The following CDKAL1 variants were observed in gnomAD, a reference collection of about 807,000 sequenced individuals.
CDKAL1 encodes the protein CDKAL1 threonylcarbamoyladenosine tRNA methylthiotransferase.
CDKAL1 carries 32 observed loss-of-function variants against 68.2 expected under a neutral mutation model. The ratio of observed to expected loss-of-function variants is 0.47; its 90% confidence interval spans 0.35 to 0.63. The LOEUF (loss-of-function observed/expected upper bound fraction) is 0.63, where lower values mean the gene tolerates loss of function less well. CDKAL1 is among the 30% of genes least tolerant of loss of function. The probability of loss-of-function intolerance (pLI) is 0.00; values close to 1 mark genes in which losing one functional copy is unlikely to be tolerated. For missense variants in CDKAL1, 606 were observed against 696.7 expected, an observed-to-expected ratio of 0.87 and a Z score of 1.47; for synonymous variants, 234 against 244.3, an observed-to-expected ratio of 0.96 and a Z score of 0.39.
intron 4 of CDKAL1, among the ~76,000 whole-genome samples, chr6:20,594,703 T>A (rs911446777): frequency 2.0e-5 from 3 of 152,228 alleles, no homozygotes; most frequent in Non-Finnish European, 4.4e-5. Context: ...TTGTTATATG[T>A]GAATTTGATC....
At chr6:20,647,750 AATTG>A (rs1245988648) in intron 4 of CDKAL1, among the ~76,000 whole-genome samples, 1 of 152,044 alleles carries the variant, frequency 6.6e-6, no homozygotes, top group Non-Finnish European at 1.5e-5. Context: ...GAAGTGACAT[AATTG>A]ATTTATGTTT....
intron 9 of CDKAL1, among the ~76,000 whole-genome samples, chr6:20,898,857 T>C (rs1761823988): frequency 6.6e-6 from 1 of 152,168 alleles, no homozygotes. Flanking sequence ...GAGCTTCTGC[T>C]AAGATTCAAG....
At chr6:20,743,091 A>G (rs1773526350) in intron 6 of CDKAL1, among the ~76,000 whole-genome samples, 2 of 152,182 alleles carry the variant, frequency 1.3e-5, no homozygotes, top group Non-Finnish European at 2.9e-5. Context: ...ATACAAAGAG[A>G]AAACAGTTCT....
At chr6:20,776,168 C>T (rs1027562467) in intron 7 of CDKAL1, among the ~76,000 whole-genome samples, 2 of 152,114 alleles carry the variant, frequency 1.3e-5, no homozygotes, top group African/African-American at 4.8e-5. Flanking sequence ...TTACTGGAGT[C>T]GCAGCAGGAT....
At chr6:21,034,888 C>G (rs1214775770) in intron 11 of CDKAL1, among the ~76,000 whole-genome samples, 1 of 152,060 alleles carries the variant, frequency 6.6e-6, no homozygotes, top group East Asian at 1.9e-4. Flanking sequence ...AAATAAAAGG[C>G]ACAAGGTGTA....
At chr6:20,740,614 G>A (rs941539695) in intron 6 of CDKAL1, among the ~76,000 whole-genome samples, 1 of 152,056 alleles carries the variant, frequency 6.6e-6, no homozygotes, top group African/African-American at 2.4e-5. Context: ...TAATTAATTG[G>A]CATCTGCTTT....
At chr6:20,768,783 C>T (rs1258504518) in intron 7 of CDKAL1, among the ~76,000 whole-genome samples, 2 of 151,930 alleles carry the variant, frequency 1.3e-5, no homozygotes, top group Non-Finnish European at 2.9e-5. Context: ...ACTTGGTTTG[C>T]CGAGAGAAAA....
chr6:20,932,386 G>A (rs560486655), intron 9 of CDKAL1, among the ~76,000 whole-genome samples: 2 of 152,060 alleles, frequency 1.3e-5, no homozygotes, highest in African/African-American at 2.4e-5. Context: ...GTCCACCCAC[G>A]TTCCCATTTG....
chr6:20,891,732 A>G (rs1296371178), intron 9 of CDKAL1, among the ~76,000 whole-genome samples: 2 of 151,836 alleles, frequency 1.3e-5, no homozygotes, highest in African/African-American at 4.8e-5. Context: ...ACAGGGTTTC[A>G]CCATGTTGGC....
chr6:20,822,884 G>A (rs926698569), intron 8 of CDKAL1, among the ~76,000 whole-genome samples: 2 of 152,080 alleles, frequency 1.3e-5, no homozygotes, highest in African/African-American at 4.8e-5. Flanking sequence ...AAATTACCCA[G>A]TCTCTGGCAG....
chr6:21,192,413 C>T (rs1321577363), intron 13 of CDKAL1, among the ~76,000 whole-genome samples: 4 of 152,182 alleles, frequency 2.6e-5, no homozygotes, highest in Non-Finnish European at 4.4e-5. Context: ...TCTCTACTTA[C>T]ATTTGATGAA....
intron 10 of CDKAL1, among the ~76,000 whole-genome samples, chr6:20,988,998 G>A (rs975699236): frequency 7.3e-5 from 11 of 151,678 alleles, no homozygotes; most frequent in Non-Finnish European, 1.3e-4. Flanking sequence ...GAAGTAGCGC[G>A]TGTCATTTCT....
chr6:20,568,650 G>T (rs997017265), intron 4 of CDKAL1, among the ~76,000 whole-genome samples: 1 of 150,736 alleles, frequency 6.6e-6, no homozygotes, highest in Non-Finnish European at 1.5e-5. Context: ...CAGGAGAATG[G>T]CGTGAACCTG....
chr6:20,955,535 A>G lies in CDKAL1; in HGVS notation c.859A>G (p.Met287Val). ...GGTTGAAGTGATTCCTGAGGGAGCA[A>G]TGCTGAGGCTTGGCATGACAAATCC... ...KLVEVIPEGA[M>V]LRLGMTNPPY... is the part of the protein sequence containing the mutation. Residue 287 changes from methionine (M) to valine (V), a missense_variant, in exon 10 of 16, where the codon ATG becomes GTG. Physicochemically the swap from Met to Val is conservative, Grantham distance 21. Coordinates refer to ENST00000274695, the MANE Select transcript of CDKAL1 (RefSeq NM_017774.3). The G allele has an allele frequency of 1.9e-6, 3 of 1,614,142 alleles. No individual in the cohort carries two copies. In the South Asian group the frequency reaches 3.3e-5, roughly 18 times the overall value.
chr6:20,848,279 G>GTTTTTTTGGTTTTTTTTTTTT (rs753304984), intron 9 of CDKAL1, among the ~76,000 whole-genome samples: 1 of 62,286 alleles, frequency 1.6e-5, no homozygotes. Context: ...CTGGAAAGTT[G>GTTTTTTTGGTTTTTTTTTTTT]TTTTTTTTTT....
At chr6:20,678,682 G>A (rs920268276) in intron 5 of CDKAL1, among the ~76,000 whole-genome samples, 4 of 152,106 alleles carry the variant, frequency 2.6e-5, no homozygotes, top group African/African-American at 9.7e-5. Context: ...CCTATTGATG[G>A]CATTAAGTGA....
intron 4 of CDKAL1, among the ~76,000 whole-genome samples, chr6:20,575,464 A>G (rs539418240): frequency 2.7e-4 from 39 of 146,146 alleles, no homozygotes; most frequent in Admixed American, 9.6e-4. Context: ...AAAAAAAAAG[A>G]AAGCAAACTG....
At chr6:21,116,575 G>A (rs769063631) in intron 13 of CDKAL1, among the ~76,000 whole-genome samples, 1 of 152,096 alleles carries the variant, frequency 6.6e-6, no homozygotes, top group Non-Finnish European at 1.5e-5. Context: ...TGGCATTTGT[G>A]ACTGCCTTTT....
chr6:21,207,630 C>CA (rs1224274728), intron 15 of CDKAL1, among the ~76,000 whole-genome samples: 1 of 152,146 alleles, frequency 6.6e-6, no homozygotes, highest in Admixed American at 6.5e-5. Flanking sequence ...TCTACTATTA[C>CA]AAAAAATATG....
Sources: gnomAD v4.1 joint callset for allele counts (sites outside exome capture counted in the v4.1 genomes callset) on GRCh38, gnomAD v4.1.1 for gene constraint, MANE v1.5 for transcripts, NCBI Gene and HGNC (gene_info 2026-07-23, HGNC 2026-07-21) for gene names.